Variants in MYH15 observed in about 807,000 individuals in gnomAD.
The protein encoded by MYH15 is myosin heavy chain 15.
Under a neutral mutation model 240.5 loss-of-function variants are expected in MYH15, and 227 were observed. The observed-to-expected ratio is 0.94, with a 90% CI of 0.85 to 1.05. The LOEUF is 1.05. MYH15 is among the 50% of genes least tolerant of loss of function. MYH15 has a pLI of 0.00. For synonymous variants in MYH15, 785 were observed against 796.7 expected, an observed-to-expected ratio of 0.99 and a Z score of 0.25; for missense variants, 2,217 against 2,247.5, an observed-to-expected ratio of 0.99 and a Z score of 0.27.
intron 27 of MYH15, among the ~76,000 whole-genome samples, chr3:108,422,631 C>A (rs1467144012): frequency 1.3e-5 from 2 of 152,148 alleles, no homozygotes; most frequent in East Asian, 3.9e-4. Context: ...TGTTTTAAAT[C>A]TCAATTAATA....
chr3:108,428,458 C>G, intron 27 of MYH15, 34 bp downstream of exon 27: 2 of 1,568,620 alleles, frequency 1.3e-6, no homozygotes, highest in Non-Finnish European at 1.7e-6. Flanking sequence ...CTTCCATGTT[C>G]AGAAGACCAC....
At chr3:108,546,119 G>T in the MYH15 span, among the ~76,000 whole-genome samples, 1 of 152,122 alleles carries the variant, frequency 6.6e-6, no homozygotes, top group African/African-American at 2.4e-5. Flanking sequence ...ACACAAAGGG[G>T]TTGGGATCAC....
At position 108,416,821 on chromosome 3, in the gene MYH15, C is replaced by CT; in HGVS notation, c.3938dup (p.Glu1314GlyfsTer18). 5 of 1,612,434 alleles carry CT rather than the reference C, an allele frequency of 3.1e-6. No homozygotes were observed. The highest frequency in any genetic ancestry group is 4.2e-6 in the Non-Finnish European group (5 of 1,178,874). On this transcript the variant is annotated frameshift_variant, in exon 29 of 41. Transcript: ENST00000693548. LOFTEE classifies it high-confidence loss of function. ...ATAATAGATACATTACTTTGGTCTC[C>CT]TTTTCCAGCTGCCCTCTCAGGTCTT...
chr3:108,493,747 G>C (rs145440572), intron 7 of MYH15, among the ~76,000 whole-genome samples: 3,169 of 151,600 alleles, frequency 0.021, 99 homozygotes, highest in African/African-American at 0.067. Flanking sequence ...TCAGAGAAAG[G>C]GGGGGCATAA....
intron 21 of MYH15, among the ~76,000 whole-genome samples, chr3:108,445,975 C>A (rs1422294575): frequency 6.6e-6 from 1 of 152,004 alleles, no homozygotes; most frequent in Non-Finnish European, 1.5e-5. Context: ...AGAATAAACC[C>A]CCACAGCTCC....
At chr3:108,479,923 T>C (rs1229969113) in intron 11 of MYH15, among the ~76,000 whole-genome samples, 3 of 152,350 alleles carry the variant, frequency 2.0e-5, no homozygotes, top group African/African-American at 7.2e-5. Context: ...AAGGTTATAA[T>C]ACAATTTTTG....
rs1282980957 is a variant in MYH15, at chr3:108,410,800, C to T, written c.4278G>A (p.Lys1426=). The T allele has an allele frequency of 6.2e-7, 1 of 1,614,136 alleles. No individual in the cohort carries two copies. Among genetic ancestry groups the T allele is most frequent in the South Asian group, 1.1e-5 (1 of 91,086 alleles). The change falls in exon 31 of 41, where the codon AAG becomes AAA. Residue 1426 remains lysine (K), a synonymous_variant. Transcript: ENST00000693548. ...ELGDALSDLG[K]VRSAAARLDQ... is the part of the protein sequence containing the mutation. The stretch of plus-strand genomic sequence containing the variant: ...CCAGCCTGGCTGCTGCAGAGCGGAC[C>T]TTCCCGAGGTCAGACAGGGCGTCCC...
chr3:108,474,861 G>A (rs1320232536), intron 12 of MYH15, among the ~76,000 whole-genome samples: 1 of 152,130 alleles, frequency 6.6e-6, no homozygotes, highest in Non-Finnish European at 1.5e-5. Flanking sequence ...TAACATGCGT[G>A]GAGCACTTAC....
chr3:108,422,498 T>A (rs1198915202), intron 27 of MYH15, among the ~76,000 whole-genome samples: 1 of 152,162 alleles, frequency 6.6e-6, no homozygotes, highest in East Asian at 1.9e-4. Flanking sequence ...TTATAGGCGA[T>A]CTTTGAATGC....
intron 29 of MYH15, among the ~76,000 whole-genome samples, chr3:108,414,829 T>C (rs992408258): frequency 6.6e-6 from 1 of 152,258 alleles, no homozygotes; most frequent in Non-Finnish European, 1.5e-5. Context: ...TTAGCCTTTT[T>C]ATTCCACTGA....
intron 1 of MYH15, among the ~76,000 whole-genome samples, chr3:108,525,083 A>G (rs1442240689): frequency 1.3e-5 from 2 of 152,080 alleles, no homozygotes; most frequent in Non-Finnish European, 2.9e-5. Flanking sequence ...GGCCACTACT[A>G]TAGAAAGTCT....
chr3:108,454,231 T>C (rs2083000565), intron 20 of MYH15, 89 bp from the exon 21 acceptor site: 2 of 1,187,030 alleles, frequency 1.7e-6, no homozygotes, highest in Non-Finnish European at 2.3e-6. Flanking sequence ...GTTGTGTTCC[T>C]AGGGATAACT....
rs374184872 is a variant in MYH15 at position 108,470,141 on chromosome 3, C to T, written c.1455G>A (p.Met485Ile). The T allele has an allele frequency of 7.4e-6, 12 of 1,610,876 alleles. No homozygotes were observed. The highest frequency in any genetic ancestry group is 2.7e-5 in the African/African-American group (2 of 74,648). The change falls in exon 14 of 41, where the codon ATG becomes ATA. Residue 485 changes from methionine (M) to isoleucine (I), a missense_variant. Coordinates refer to ENST00000693548, the MANE Select transcript of MYH15 (RefSeq NM_014981.3). ...TATATTCCTCTTGCTCCAGAACAAA[C>T]ATGTGCCAATTGAAGAATTGTTGTA... The part of the protein sequence containing the change: ...EKLQQFFNWH[M>I]FVLEQEEYKK...
chr3:108,383,524 G>T, intron 40 of MYH15, 71 bp downstream of exon 40: 1 of 1,499,204 alleles, frequency 6.7e-7, no homozygotes, highest in Non-Finnish European at 9.0e-7. Context: ...TGTTATACTG[G>T]TCCATGCAAT....
rs551872607 is a variant in MYH15 at position 108,391,554 on chromosome 3, T to C, written c.5430+206A>G. 3.3e-5 allele frequency among the ~76,000 whole-genome samples: 5 copies of C among 152,246 alleles called. No individual in the cohort carries two copies. In the South Asian group the frequency reaches 1.0e-3, roughly 32 times the overall value. ...AAGAGGGAAGGCAGATTTCATCCAGTCCAAGGAAAGTCCTATGTGCTCACC... is the reference window on the plus strand; with the variant it reads ...AAGAGGGAAGGCAGATTTCATCCAGCCCAAGGAAAGTCCTATGTGCTCACC... On this transcript the variant is annotated intron_variant, in intron 37 of 40. Coordinates refer to ENST00000693548, the MANE Select transcript of MYH15 (RefSeq NM_014981.3).
intron 21 of MYH15, among the ~76,000 whole-genome samples, chr3:108,452,517 T>C (rs1182159151): frequency 1.3e-5 from 2 of 152,172 alleles, no homozygotes; most frequent in African/African-American, 4.8e-5. Flanking sequence ...CTAGATTCAT[T>C]AACATTGATA....
intron 21 of MYH15, among the ~76,000 whole-genome samples, chr3:108,448,012 A>C (rs962803264): frequency 2.0e-5 from 3 of 152,148 alleles, no homozygotes; most frequent in African/African-American, 7.2e-5. Context: ...TATGTAGTTG[A>C]AGTTAAACTA....
intron 25 of MYH15, among the ~76,000 whole-genome samples, chr3:108,434,190 G>GTTTTTT (rs5851590): frequency 7.6e-6 from 1 of 130,992 alleles, no homozygotes; most frequent in African/African-American, 2.9e-5. Flanking sequence ...ATTGAGAATG[G>GTTTTTT]TTTTTTTTTT....
the MYH15 span, among the ~76,000 whole-genome samples, chr3:108,547,361 T>C: frequency 6.6e-6 from 1 of 152,250 alleles, no homozygotes; most frequent in Non-Finnish European, 1.5e-5. Context: ...TGTACAATTA[T>C]TTTCTTAATC....
Sources: gnomAD v4.1 joint callset for allele counts (sites outside exome capture counted in the v4.1 genomes callset) on GRCh38, gnomAD v4.1.1 for gene constraint, MANE v1.5 for transcripts, NCBI Gene and HGNC (gene_info 2026-07-23, HGNC 2026-07-21) for gene names.